Variants in TRIM68 observed in about 807,000 individuals in gnomAD.
The protein encoded by TRIM68 is tripartite motif containing 68.
TRIM68 carries 36 observed loss-of-function variants against 41.9 expected under a neutral mutation model. That is an observed-to-expected ratio of 0.86 (90% CI 0.66 to 1.14). The LOEUF (loss-of-function observed/expected upper bound fraction) is 1.14. Ranked by LOEUF, TRIM68 falls within the 50% of genes most tolerant of loss-of-function variation. TRIM68 has a pLI of 0.00. For missense variants in TRIM68, 632 were observed against 605.1 expected, an observed-to-expected ratio of 1.04 and a Z score of -0.47; for synonymous variants, 225 against 224.6, an observed-to-expected ratio of 1.00 and a Z score of -0.02.
chr11:4,607,669 TG>T (rs1846588574), intron 1 of TRIM68, among the ~76,000 whole-genome samples: 1 of 152,236 alleles, frequency 6.6e-6, no homozygotes, highest in African/African-American at 2.4e-5. Flanking sequence ...TGCAAAGATC[TG>T]GGGATGGGTA....
intron 4 of TRIM68, 56 bp from the exon 5 acceptor site, chr11:4,601,742 C>T: frequency 1.2e-6 from 2 of 1,603,382 alleles, no homozygotes; most frequent in South Asian, 2.2e-5. Context: ...TCAGAGGGAA[C>T]AGACATCGAA....
Position 4,602,389 on chromosome 11 carries a change from CTGTT to C in TRIM68, c.542_545del (p.Lys181ArgfsTer14). The C allele has an allele frequency of 6.2e-7, 1 of 1,613,836 alleles. No homozygotes were observed. The highest frequency in any genetic ancestry group is 1.1e-5 in the South Asian group (1 of 91,056). ...ATTTTTCAAACTCCCATACAATACT[CTGTT>C]TTCGGGTTTCCACCTGTATCTGTGG... On this transcript the variant is annotated frameshift_variant, in exon 4 of 7. Coordinates refer to ENST00000300747, the MANE Select transcript of TRIM68 (RefSeq NM_018073.8). LOFTEE classifies it high-confidence loss of function.
At chr11:4,606,875 A>C (rs1846577691) in intron 1 of TRIM68, among the ~76,000 whole-genome samples, 1 of 152,182 alleles carries the variant, frequency 6.6e-6, no homozygotes, top group South Asian at 2.1e-4. Flanking sequence ...CAGAGCAGTA[A>C]ATCTTGCAGG....
At chr11:4,605,634 A>G in intron 1 of TRIM68, 73 bp from the exon 2 acceptor site, 1 of 966,674 alleles carries the variant, frequency 1.0e-6, no homozygotes, top group East Asian at 2.6e-5. Context: ...AACAGGAATA[A>G]TTAATTTCTG....
At chr11:4,602,037 T>C in intron 4 of TRIM68, 115 bp downstream of exon 4, 1 of 1,465,712 alleles carries the variant, frequency 6.8e-7, no homozygotes, top group Non-Finnish European at 9.4e-7. Context: ...ACAGGATCCA[T>C]GACCAGCTGG....
intron 6 of TRIM68, 91 bp downstream of exon 6, chr11:4,600,936 G>T: frequency 6.4e-7 from 1 of 1,566,176 alleles, no homozygotes; most frequent in Non-Finnish European, 8.8e-7. Context: ...GGGTGAGGCT[G>T]GATGGAGCAC....
chr11:4,600,482 C>A lies in TRIM68; in HGVS notation c.1252G>T (p.Val418Phe). ...AAGATTCCCACCCGGCGAGGAGGGA[C>A]CGGCAAGGACAGGATTGGGTACTCA... ...TDEYPILSLP[V>F]PPRRVGIFVD... Residue 418 changes from valine (V) to phenylalanine (F), a missense_variant, in exon 7 of 7, where the codon GTC (valine) becomes TTC (phenylalanine). Physicochemically the swap from Val to Phe is conservative, Grantham distance 50. Transcript: ENST00000300747. 1 of 1,613,348 alleles carries A rather than the reference C, an allele frequency of 6.2e-7. No individual in the cohort carries two copies. The highest frequency in any genetic ancestry group is 8.5e-7 in the Non-Finnish European group (1 of 1,179,604).
At chr11:4,605,873 C>T (rs1388058986) in intron 1 of TRIM68, among the ~76,000 whole-genome samples, 1 of 152,204 alleles carries the variant, frequency 6.6e-6, no homozygotes, top group Non-Finnish European at 1.5e-5. Flanking sequence ...CAATCATGCT[C>T]TACAAATCAG....
Position 4,602,219 on chromosome 11 carries a change from T to A in TRIM68, c.716A>T (p.Gln239Leu), listed in dbSNP as rs1846501366. 3 of 1,614,220 alleles carry A rather than the reference T, an allele frequency of 1.9e-6. No homozygotes were observed. The highest frequency in any genetic ancestry group is 8.5e-7 in the Non-Finnish European group (1 of 1,180,040). ...CTCTGCAATCATCCTCCACAGGACCTGGCTCTGCTGGATGAGCTCGCTATG... is the reference window on the plus strand; with the variant it reads ...CTCTGCAATCATCCTCCACAGGACCAGGCTCTGCTGGATGAGCTCGCTATG... Reference protein sequence around the residue: ...LNHSELIQQSQVLWRMIAELK... With the variant: ...LNHSELIQQSLVLWRMIAELK... The change falls in exon 4 of 7, where the codon CAG (glutamine) becomes CTG (leucine). Residue 239 changes from glutamine (Q) to leucine (L), a missense_variant. Physicochemically the swap from Gln to Leu is moderately radical, Grantham distance 113. Transcript: ENST00000300747.
At position 4,605,283 on chromosome 11, in the gene TRIM68, C is replaced by G. The variant is rs1256644297; in HGVS notation, c.222G>C (p.Gln74His). The G allele has an allele frequency of 1.2e-6, 2 of 1,614,284 alleles. No homozygotes were observed. The highest frequency in any genetic ancestry group is 1.7e-6 in the Non-Finnish European group (2 of 1,180,054). ...VQPRNLRPNW[Q>H]LANVVEKVRL... is the part of the protein sequence containing the mutation. ...GGACTTTTTCTACAACATTGGCCAGCTGCCAATTAGGCCGCAGGTTCCTTG... is the reference window on the plus strand; with the variant it reads ...GGACTTTTTCTACAACATTGGCCAGGTGCCAATTAGGCCGCAGGTTCCTTG... Residue 74 changes from glutamine to histidine, a missense_variant, in exon 2 of 7, where the codon CAG becomes CAC. Coordinates refer to ENST00000300747, the MANE Select transcript of TRIM68 (RefSeq NM_018073.8).
At chr11:4,601,256 C>T (rs1015371852) in intron 5 of TRIM68, 129 bp from the exon 6 acceptor site, 31 of 739,890 alleles carry the variant, frequency 4.2e-5, no homozygotes, top group Admixed American at 8.4e-5. Context: ...ATGATGGTTA[C>T]GGTTATTTGG....
chr11:4,605,114 C>T lies in TRIM68; in HGVS notation c.391G>A (p.Val131Ile), dbSNP rs996806731. ...CAGGCAACATCCTCCATTGGCACAA[C>T]ACTGTGGGCCTCATGCTCTGGGGAC... ...SQSPEHEAHS[V>I]VPMEDVAWEY... The change falls in exon 2 of 7, where the codon GTT (valine) becomes ATT (isoleucine). Residue 131 changes from valine to isoleucine, a missense_variant. Coordinates refer to ENST00000300747, the MANE Select transcript of TRIM68 (RefSeq NM_018073.8). 6 of 1,614,210 alleles carry T rather than the reference C, an allele frequency of 3.7e-6. No individual in the cohort carries two copies. The highest frequency in any genetic ancestry group is 1.7e-5 in the Admixed American group (1 of 60,036).
In TRIM68 at chr11:4,598,996, A is replaced by G. The variant is rs1003429960; in HGVS notation, c.*1280T>C. ...AACAGCTCCATGAGGCAGGACAATC[A>G]TATGAGGTTTTATGCTGAATTACAC... On this transcript the variant is annotated 3_prime_UTR_variant, in exon 7 of 7. Transcript: ENST00000300747. 6.6e-6 allele frequency: 1 copy of G among 152,308 alleles called. No homozygotes were observed. The highest frequency in any genetic ancestry group is 1.5e-5 in the Non-Finnish European group (1 of 68,024). The allele number at this position is 152,308 out of a possible 1,614,324, so 9.4% of individuals were successfully genotyped here.
chr11:4,605,226 C>A lies in TRIM68; in HGVS notation c.279G>T (p.Leu93=), dbSNP rs774939517. The A allele has an allele frequency of 2.5e-6, 4 of 1,614,162 alleles. No individual in the cohort carries two copies. The highest frequency in any genetic ancestry group is 3.4e-6 in the Non-Finnish European group (4 of 1,180,056). The change falls in exon 2 of 7, where the codon CTG becomes CTT. Residue 93 remains leucine (L), a synonymous_variant. Coordinates refer to ENST00000300747, the MANE Select transcript of TRIM68 (RefSeq NM_018073.8). ...RLLRLHPGMG[L]KGDLCERHGE... ...CATGGCGCTCACACAGGTCACCCTT[C>A]AGCCCCATTCCTGGATGTAGCCTTA...
At chr11:4,600,944 C>A in intron 6 of TRIM68, 83 bp downstream of exon 6, 1 of 1,565,042 alleles carries the variant, frequency 6.4e-7, no homozygotes, top group Non-Finnish European at 8.8e-7. Flanking sequence ...CTGGATGGAG[C>A]ACCCAGAGGG....
intron 1 of TRIM68, among the ~76,000 whole-genome samples, chr11:4,607,818 G>A (rs1846590754): frequency 6.6e-6 from 1 of 152,208 alleles, no homozygotes; most frequent in Non-Finnish European, 1.5e-5. Flanking sequence ...AGTCTGAGAA[G>A]GGCATTTGAG....
In TRIM68 at chr11:4,600,090, C is replaced by T; in HGVS notation, c.*186G>A. ...CAATGCTCATTTGACTGGGCCTCTG[C>T]TTTTTAAAATAAGTGGTTTCATGAC... is the stretch of plus-strand genomic sequence containing the variant. On this transcript the variant is annotated 3_prime_UTR_variant, in exon 7 of 7. Coordinates refer to ENST00000300747, the MANE Select transcript of TRIM68 (RefSeq NM_018073.8). The T allele has an allele frequency of 1.8e-6, 1 of 562,434 alleles. No individual in the cohort carries two copies. Among genetic ancestry groups the T allele is most frequent in the Non-Finnish European group, 3.0e-6 (1 of 329,342 alleles). The allele number at this position is 562,434 out of a possible 1,614,324, so 34.8% of individuals were successfully genotyped here. A position where few individuals can be genotyped will look rare whatever the true frequency, so the allele number is the denominator to read the frequency against.
At chr11:4,604,310 T>C (rs1846537794) in intron 2 of TRIM68, among the ~76,000 whole-genome samples, 1 of 152,206 alleles carries the variant, frequency 6.6e-6, no homozygotes, top group South Asian at 2.1e-4. Context: ...ACAGAATCAC[T>C]GAGATAATGG....
intron 6 of TRIM68, 27 bp downstream of exon 6, chr11:4,601,000 A>G (rs748054316): frequency 5.0e-5 from 80 of 1,607,986 alleles, no homozygotes; most frequent in Non-Finnish European, 6.6e-5. Context: ...CCCACTGTCC[A>G]CTACAGTCTC....
Sources: gnomAD v4.1 joint callset for allele counts (sites outside exome capture counted in the v4.1 genomes callset) on GRCh38, gnomAD v4.1.1 for gene constraint, MANE v1.5 for transcripts, NCBI Gene and HGNC (gene_info 2026-07-23, HGNC 2026-07-21) for gene names.